Variants in PTGER3 observed in about 807,000 individuals in gnomAD.
PTGER3 encodes prostaglandin E receptor 3.
In PTGER3, 22 loss-of-function variants were observed where a neutral mutation model predicts 34.7. That is an observed-to-expected ratio of 0.63 (90% CI 0.45 to 0.91). The LOEUF (loss-of-function observed/expected upper bound fraction) is 0.91. Among genes scored for constraint, PTGER3 ranks in the 40% least tolerant of loss-of-function variants. The pLI is 0.00. For synonymous variants in PTGER3, 241 were observed against 230.1 expected (o/e 1.05, Z -0.43); for missense variants, 468 against 519.4 (o/e 0.90, Z 0.96).
At chr1:71,039,040 A>G (rs1660062965) in intron 1 of PTGER3, among the ~76,000 whole-genome samples, 1 of 152,230 alleles carries the variant, frequency 6.6e-6, no homozygotes, top group African/African-American at 2.4e-5. Context: ...AAGAGCTCAC[A>G]TGAGAGGCTG....
At position 70,953,793 on chromosome 1, in the gene PTGER3, A is replaced by G. The variant is rs1395889114; in HGVS notation, c.1078-4T>C. ...CTCTGAGTCTTCTTTTTCTCATCTG[A>G]AAAAGAGTAATAACAGTATAAGCTT... On this transcript the variant is annotated splice_region_variant and splice_polypyrimidine_tract_variant and intron_variant, in intron 2 of 3. Transcript: ENST00000356595. 3.7e-6 allele frequency: 5 copies of G among 1,341,244 alleles called. No homozygotes were observed. In the African/African-American group the frequency reaches 4.6e-5, roughly 12 times the overall value. 83.1% of individuals were successfully genotyped at this position (1,341,244 alleles called of 1,614,324 possible).
rs1477794754 is a variant in PTGER3, at chr1:70,929,562, C to A, written c.*23+24201G>T. On this transcript the variant is annotated intron_variant, in intron 4 of 4. Transcript: ENST00000370931. Reference sequence around the variant, plus strand: ...GTGTACAAAATAACATTGCTTTTACCCTAAAACAGGTCTCTCTGAGCAGTG... The same window carrying A: ...GTGTACAAAATAACATTGCTTTTACACTAAAACAGGTCTCTCTGAGCAGTG... 2.0e-5 allele frequency among the ~76,000 whole-genome samples: 3 copies of A among 152,038 alleles called. No homozygotes were observed. In the East Asian group the frequency reaches 5.8e-4, roughly 29 times the overall value.
At chr1:70,917,887 A>G (rs1263781740) in intron 4 of PTGER3, among the ~76,000 whole-genome samples, 1 of 152,072 alleles carries the variant, frequency 6.6e-6, no homozygotes, top group Non-Finnish European at 1.5e-5. Context: ...AATTTTAAAA[A>G]TGGAATTATT....
downstream of PTGER3, among the ~76,000 whole-genome samples, chr1:70,967,278 A>G (rs1468144741): frequency 6.6e-6 from 1 of 150,570 alleles, no homozygotes; most frequent in African/African-American, 2.5e-5. Flanking sequence ...TTTATATTAT[A>G]GTCTGGTCCA....
chr1:70,931,493 GC>G (rs772272487), intron 4 of PTGER3, among the ~76,000 whole-genome samples: 11 of 152,328 alleles, frequency 7.2e-5, no homozygotes, highest in Middle Eastern at 3.4e-3. Flanking sequence ...TGAGGGTCCT[GC>G]CCCTGCAGCA....
downstream of PTGER3, among the ~76,000 whole-genome samples, chr1:70,966,600 AC>A (rs932182955): frequency 6.7e-6 from 1 of 150,162 alleles, no homozygotes; most frequent in African/African-American, 2.5e-5. Context: ...CCCTCCCCTC[AC>A]CCCCGACCCC....
intron 4 of PTGER3, among the ~76,000 whole-genome samples, chr1:70,873,248 C>G (rs968355533): frequency 1.3e-5 from 2 of 152,158 alleles, no homozygotes; most frequent in African/African-American, 4.8e-5. Context: ...TATGTGCCTT[C>G]TTTCTTTAGG....
chr1:70,857,406 AT>A (rs999150174), intron 4 of PTGER3, among the ~76,000 whole-genome samples: 1 of 150,828 alleles, frequency 6.6e-6, no homozygotes, highest in Non-Finnish European at 1.5e-5. Flanking sequence ...TGTCATTCAA[AT>A]TTTTTTTTCC....
intron 2 of PTGER3, among the ~76,000 whole-genome samples, chr1:70,980,430 G>A (rs72940450): frequency 0.024 from 3,609 of 152,104 alleles, 136 homozygotes; most frequent in African/African-American, 0.083. Flanking sequence ...TTGGTGGAAT[G>A]GGAATAAAGG....
rs183355622 is a variant in PTGER3, at chr1:70,877,170, C to T, written c.*24-24311G>A. On this transcript the variant is annotated intron_variant, in intron 4 of 4. Transcript: ENST00000370931. ...TAATTCTCATTATGGAGATTTTTCA[C>T]TCCCTGGTTAGCTGTATTCCTAGAT... 8.0e-4 allele frequency among the ~76,000 whole-genome samples: 122 copies of T among 152,258 alleles called. 1 individual carries two copies. The highest frequency in any genetic ancestry group is 2.8e-3 in the African/African-American group (115 of 41,560).
At chr1:71,030,936 G>C (rs1356670678) in intron 1 of PTGER3, among the ~76,000 whole-genome samples, 1 of 151,880 alleles carries the variant, frequency 6.6e-6, no homozygotes, top group African/African-American at 2.4e-5. Context: ...AGAGAAAAAC[G>C]TGACACATAG....
At chr1:71,015,866 A>G (rs1254344607) in intron 1 of PTGER3, among the ~76,000 whole-genome samples, 3 of 152,200 alleles carry the variant, frequency 2.0e-5, no homozygotes, top group African/African-American at 7.2e-5. Flanking sequence ...TCTTAAACGA[A>G]TCCCTGGCAA....
At chr1:70,867,788 G>C (rs1306643757) in intron 4 of PTGER3, among the ~76,000 whole-genome samples, 1 of 152,016 alleles carries the variant, frequency 6.6e-6, no homozygotes, top group African/African-American at 2.4e-5. Context: ...CATCCACAAG[G>C]CCAGGCTAGA....
intron 4 of PTGER3, among the ~76,000 whole-genome samples, chr1:70,891,914 C>G (rs920989415): frequency 6.6e-6 from 1 of 152,092 alleles, no homozygotes; most frequent in African/African-American, 2.4e-5. Flanking sequence ...TAGGAAAAGA[C>G]CTTTGAAATT....
At chr1:70,921,834 G>T (rs1356262571) in intron 4 of PTGER3, among the ~76,000 whole-genome samples, 1 of 152,006 alleles carries the variant, frequency 6.6e-6, no homozygotes, top group Non-Finnish European at 1.5e-5. Flanking sequence ...TTCTGTCTAT[G>T]TATTTATATG....
chr1:71,008,637 G>C lies in PTGER3; in HGVS notation c.1077+3668C>G. 4 of 984,628 alleles carry C rather than the reference G, an allele frequency of 4.1e-6. No individual in the cohort carries two copies. In the South Asian group the frequency reaches 1.9e-4, roughly 46 times the overall value. 61.0% of individuals were successfully genotyped at this position (984,628 alleles called of 1,614,324 possible). A position where few individuals can be genotyped will look rare whatever the true frequency, so the allele number is the denominator to read the frequency against. ...AAACATCACAGACATCTGTCACTTT[G>C]TCAGCACTTTGTTGCAACTCAGAAA... On this transcript the variant is annotated intron_variant, in intron 2 of 3. Transcript: ENST00000306666.
chr1:70,946,325 A>G (rs1006787953), intron 4 of PTGER3, among the ~76,000 whole-genome samples: 15 of 151,990 alleles, frequency 9.9e-5, no homozygotes, highest in African/African-American at 3.6e-4. Flanking sequence ...GCACTATCTC[A>G]CTCCCAGTTT....
At chr1:70,852,564 G>T in exon 5 of PTGER3, 1 of 473,610 alleles carries the variant, frequency 2.1e-6, no homozygotes, top group Non-Finnish European at 3.7e-6. Flanking sequence ...ATAAAAAAAT[G>T]CAAATTTTAC....
intron 2 of PTGER3, among the ~76,000 whole-genome samples, chr1:71,002,659 A>C (rs949728351): frequency 1.3e-5 from 2 of 152,256 alleles, no homozygotes; most frequent in African/African-American, 4.8e-5. Context: ...ATCTAATTAG[A>C]GCTGCCCAAC....
Sources: allele counts gnomAD v4.1 joint callset (sites outside exome capture counted in the v4.1 genomes callset), GRCh38; gene constraint gnomAD v4.1.1; transcripts MANE v1.5; gene names NCBI Gene and HGNC (gene_info 2026-07-23, HGNC 2026-07-21).